The following PLP1 variants were observed in gnomAD, a reference collection of about 807,000 sequenced individuals.
The protein encoded by PLP1 is myelin proteolipid protein.
A neutral mutation model predicts 18.5 loss-of-function variants in PLP1; 2 were observed. The ratio of observed to expected loss-of-function variants is 0.11; its 90% CI spans 0.04 to 0.34. The LOEUF (loss-of-function observed/expected upper bound fraction) is 0.34, where lower values mean the gene tolerates loss of function less well. Ranked by LOEUF, PLP1 falls within the 10% of genes least tolerant of loss-of-function variation. The probability of loss-of-function intolerance (pLI) is 1.00; values close to 1 mark genes in which losing one functional copy is unlikely to be tolerated. For synonymous variants in PLP1, 86 were observed against 83.2 expected, an observed-to-expected ratio of 1.03 and a Z score of -0.19; for missense variants, 105 against 207.3, an observed-to-expected ratio of 0.51 and a Z score of 3.03.
intron 1 of PLP1, among the ~76,000 whole-genome samples, chrX:103,777,706 A>T (rs866138788): frequency 8.9e-6 from 1 of 111,891 alleles, no homozygotes; most frequent in South Asian, 3.8e-4. Flanking sequence ...GGCTCTTGCT[A>T]AGTTGGCTGA....
chrX:103,786,154 C>G (rs1343922526), intron 2 of PLP1: 2 of 1,108,683 alleles, frequency 1.8e-6, no homozygotes, highest in East Asian at 3.8e-5. Flanking sequence ...TTCTTCTTGT[C>G]TAGCTCCCTA....
rs766899165 is a variant in PLP1, at chrX:103,789,240, A to G, written c.697-93A>G. 2.2e-5 allele frequency: 15 copies of G among 688,672 alleles called. No individual in the cohort carries two copies. The East Asian group carries it at 3.5e-4, about 16-fold the overall frequency. The allele number at this position is 688,672 out of a possible 1,213,427, so 56.8% of individuals were successfully genotyped here. A position where few individuals can be genotyped will look rare whatever the true frequency, so the allele number is the denominator to read the frequency against. On this transcript the variant is annotated intron_variant, in intron 5 of 6. Coordinates refer to ENST00000621218, the MANE Select transcript of PLP1 (RefSeq NM_000533.5). Reference sequence around the variant, plus strand: ...TGTGGAATTAGCACACAAGAAAGATATCAACACATTCAGAAAGCTGTATTC... The same window carrying G: ...TGTGGAATTAGCACACAAGAAAGATGTCAACACATTCAGAAAGCTGTATTC...
Position 103,787,142 on chromosome X carries a change from T to G in PLP1, c.453+416T>G, listed in dbSNP as rs72616843. ...GGATGGATAATAAAAATTAAATAAT[T>G]AACTCCAAGGTGAAATTTACAATGT... On this transcript the variant is annotated intron_variant, in intron 3 of 6. Transcript: ENST00000621218. Among the ~76,000 whole-genome samples the G allele has an allele frequency of 0.014, 1,521 of 111,414 alleles. 34 individuals are homozygous for G. Among genetic ancestry groups the G allele is most frequent in the East Asian group, 0.096 (338 of 3,513 alleles).
chrX:103,786,132 C>T (rs2147763732), intron 2 of PLP1: 2 of 1,095,608 alleles, frequency 1.8e-6, no homozygotes, highest in East Asian at 3.9e-5. Flanking sequence ...GCTCCTGTTC[C>T]TTCACCCACC....
intron 6 of PLP1, 47 bp downstream of exon 6, chrX:103,789,445 G>A (rs1410634785): frequency 5.3e-6 from 5 of 946,390 alleles, no homozygotes; most frequent in Non-Finnish European, 7.7e-6. Context: ...GCCTGAGATA[G>A]TGTGGGTACA....
At chrX:103,783,086 T>C (rs2074467219) in intron 1 of PLP1, among the ~76,000 whole-genome samples, 1 of 112,115 alleles carries the variant, frequency 8.9e-6, no homozygotes, top group African/African-American at 3.2e-5. Flanking sequence ...TCTTGACTTA[T>C]AGGCTGAATC....
intron 3 of PLP1, 108 bp downstream of exon 3, chrX:103,786,834 A>T (rs2074501835): frequency 1.2e-6 from 1 of 842,469 alleles, no homozygotes; most frequent in Non-Finnish European, 1.8e-6. Flanking sequence ...GGGGCCTGGC[A>T]TTTGAGTGAG....
At chrX:103,789,080 G>A (rs2074522826) in intron 5 of PLP1, 3 of 415,512 alleles carry the variant, frequency 7.2e-6, no homozygotes, top group Non-Finnish European at 8.4e-6. Flanking sequence ...CAACTGTAGG[G>A]AACCAGTTAA....
chrX:103,782,279 C>T (rs1222781487), intron 1 of PLP1, among the ~76,000 whole-genome samples: 1 of 112,154 alleles, frequency 8.9e-6, no homozygotes, highest in Non-Finnish European at 1.9e-5. Context: ...TATCTAAAGT[C>T]ATTTATTTCA....
intron 6 of PLP1, among the ~76,000 whole-genome samples, chrX:103,790,063 C>G (rs1453560343): frequency 8.9e-6 from 1 of 111,891 alleles, no homozygotes; most frequent in African/African-American, 3.3e-5. Flanking sequence ...ACTCCTGGCC[C>G]CTACTGCTGA....
chrX:103,781,538 C>T (rs17003884), intron 1 of PLP1, among the ~76,000 whole-genome samples: 14,619 of 111,764 alleles, frequency 0.13, 740 homozygotes, highest in Middle Eastern at 0.28. Context: ...GATTTTGATT[C>T]ACAGACATAT....
intron 1 of PLP1, among the ~76,000 whole-genome samples, 171 bp downstream of exon 1, chrX:103,777,170 C>A (rs909598238): frequency 8.9e-6 from 1 of 112,167 alleles, no homozygotes; most frequent in Non-Finnish European, 1.9e-5. Context: ...CTCCGCTGTA[C>A]TAAGCATGAT....
At position 103,776,931 on chromosome X, in the gene PLP1, T is replaced by G. The variant is rs1602372951; in HGVS notation, c.-65T>G. The G allele has an allele frequency of 9.0e-7, 1 of 1,109,705 alleles. No individual in the cohort carries two copies. Among genetic ancestry groups the G allele is most frequent in the East Asian group, 3.0e-5 (1 of 33,294 alleles). 91.5% of individuals were successfully genotyped at this position (1,109,705 alleles called of 1,213,427 possible). ...CTGGAGAGACCAGGATCCTTCCAGCTGAACAAAGTCAGCCACAAAGCAGAC... is the reference window on the plus strand; with the variant it reads ...CTGGAGAGACCAGGATCCTTCCAGCGGAACAAAGTCAGCCACAAAGCAGAC... On this transcript the variant is annotated 5_prime_UTR_variant, in exon 1 of 7. Transcript: ENST00000621218.
In PLP1 at chrX:103,788,688, C is replaced by A. The variant is rs1233494866; in HGVS notation, c.696+178C>A. 9 of 491,715 alleles carry A rather than the reference C, an allele frequency of 1.8e-5. No homozygotes were observed. In the African/African-American group the frequency reaches 2.1e-4, roughly 11 times the overall value. The allele number at this position is 491,715 out of a possible 1,213,427, so 40.5% of individuals were successfully genotyped here. A position where few individuals can be genotyped will look rare whatever the true frequency, so the allele number is the denominator to read the frequency against. ...GCCAATGAGCATAGAAGGTAAAACA[C>A]CTGTTTTCTCTAGAGTTGCATAGAA... is the stretch of plus-strand genomic sequence containing the variant. On this transcript the variant is annotated intron_variant, in intron 5 of 6. Transcript: ENST00000621218.
chrX:103,788,658 C>T (rs1048061410), intron 5 of PLP1, 148 bp downstream of exon 5: 20 of 561,840 alleles, frequency 3.6e-5, no homozygotes, highest in African/African-American at 3.1e-4. Flanking sequence ...GCTAAGTGTG[C>T]CTGAGCCAAT....
At chrX:103,787,034 G>A (rs1271241075) in intron 3 of PLP1, 4 of 326,818 alleles carry the variant, frequency 1.2e-5, no homozygotes, top group African/African-American at 1.0e-4. Context: ...TTCCTAGTAG[G>A]TACCACAAGA....
chrX:103,780,962 C>G, intron 1 of PLP1: 1 of 147,123 alleles, frequency 6.8e-6, no homozygotes, highest in Non-Finnish European at 1.4e-5. Flanking sequence ...AGTGCAGATT[C>G]GAGACCTAGG....
chrX:103,785,422 A>G (rs910577875), intron 1 of PLP1, among the ~76,000 whole-genome samples, 160 bp from the exon 2 acceptor site: 2 of 112,198 alleles, frequency 1.8e-5, no homozygotes, highest in Admixed American at 1.9e-4. Context: ...TTCTGGGTCA[A>G]TCTCACATGC....
rs1064796350 is a variant in PLP1, at chrX:103,787,875, C to A, written c.531C>A (p.Tyr177Ter). ...FACSAVPVYI[Y>*]FNTWTTCQSI... The stretch of plus-strand genomic sequence containing the variant: ...GCTCTGCTGTGCCTGTGTACATTTA[C>A]TTCAACACCTGGACCACCTGCCAGT... The change falls in exon 4 of 7, where the codon TAC (tyrosine) becomes TAA (stop). Residue 177 changes from tyrosine (Y) to a stop codon, truncating the protein, a stop_gained. Transcript: ENST00000621218. LOFTEE classifies it high-confidence loss of function. 1 of 1,207,393 alleles carries A rather than the reference C, an allele frequency of 8.3e-7. No individual in the cohort carries two copies. The highest frequency in any genetic ancestry group is 1.1e-6 in the Non-Finnish European group (1 of 891,490).
Sources: gnomAD v4.1 joint callset for allele counts (sites outside exome capture counted in the v4.1 genomes callset) on GRCh38, gnomAD v4.1.1 for gene constraint, MANE v1.5 for transcripts, NCBI Gene and HGNC (gene_info 2026-07-23, HGNC 2026-07-21) for gene names.